ASAP1: variants seen among roughly 807,000 people sequenced by gnomAD.
The protein encoded by ASAP1 is arf-GAP with SH3 domain, ANK repeat and PH domain-containing protein 1.
A neutral mutation model predicts 145.2 loss-of-function variants in ASAP1; 43 were observed. The observed-to-expected ratio is 0.30, with a 90% CI of 0.23 to 0.38. The LOEUF is 0.38. Ranked by LOEUF, ASAP1 falls within the 10% of genes least tolerant of loss-of-function variation. ASAP1 has a pLI of 1.00. For missense variants in ASAP1, 1,018 were observed against 1,355.3 expected (o/e 0.75, Z 3.91); for synonymous variants, 546 against 515.5 (o/e 1.06, Z -0.80).
chr8:130,423,295 T>G (rs1829792562), intron 1 of ASAP1, among the ~76,000 whole-genome samples: 1 of 152,176 alleles, frequency 6.6e-6, no homozygotes, highest in Admixed American at 6.5e-5. Flanking sequence ...ACATTTATCT[T>G]TAGTCCATCA....
intron 3 of ASAP1, among the ~76,000 whole-genome samples, chr8:130,333,599 C>T (rs571608869): frequency 5.9e-5 from 9 of 152,118 alleles, no homozygotes; most frequent in South Asian, 2.1e-4. Flanking sequence ...AGTGAAACTC[C>T]GTCTCAAAAA....
chr8:130,264,014 T>G (rs757796352), intron 3 of ASAP1, among the ~76,000 whole-genome samples: 1 of 152,162 alleles, frequency 6.6e-6, no homozygotes, highest in Non-Finnish European at 1.5e-5. Flanking sequence ...CTGTTAAAAC[T>G]AGTGAGGAGG....
intron 13 of ASAP1, among the ~76,000 whole-genome samples, chr8:130,147,673 C>T (rs1257005129): frequency 6.6e-6 from 1 of 152,194 alleles, no homozygotes; most frequent in Non-Finnish European, 1.5e-5. Flanking sequence ...TAATAAAAGG[C>T]ACATACAATA....
chr8:130,109,270 G>A (rs1032370969), intron 24 of ASAP1, among the ~76,000 whole-genome samples: 3 of 152,138 alleles, frequency 2.0e-5, no homozygotes, highest in African/African-American at 7.2e-5. Context: ...TTGGGATTCT[G>A]AGCTACTGAG....
At chr8:130,153,359 G>GTATATATATATATATATATGTA (rs2097651370) in intron 12 of ASAP1, among the ~76,000 whole-genome samples, 19 of 28,932 alleles carry the variant, frequency 6.6e-4, no homozygotes, top group African/African-American at 2.0e-3. Flanking sequence ...ATATATATAT[G>GTATATATATATATATATATGTA]TATATATATA....
At chr8:130,345,978 T>C (rs1286013767) in intron 3 of ASAP1, among the ~76,000 whole-genome samples, 1 of 152,200 alleles carries the variant, frequency 6.6e-6, no homozygotes, top group East Asian at 1.9e-4. Flanking sequence ...ACTGTGGGTT[T>C]TTCCAACTGC....
At chr8:130,312,120 A>G (rs1823393372) in intron 3 of ASAP1, among the ~76,000 whole-genome samples, 1 of 152,054 alleles carries the variant, frequency 6.6e-6, no homozygotes, top group Non-Finnish European at 1.5e-5. Context: ...TCCAAAAAAA[A>G]TACAAAAATT....
At chr8:130,304,392 T>C (rs975502513) in intron 3 of ASAP1, among the ~76,000 whole-genome samples, 1 of 152,084 alleles carries the variant, frequency 6.6e-6, no homozygotes, top group South Asian at 2.1e-4. Context: ...GAACATCATT[T>C]CCCCCCTCAA....
In ASAP1 at chr8:130,187,081, T is replaced by C. The variant is rs533421602; in HGVS notation, c.530+155A>G. 9.9e-5 allele frequency among the ~76,000 whole-genome samples: 15 copies of C among 152,256 alleles called. No individual in the cohort carries two copies. In the South Asian group the frequency reaches 3.1e-3, roughly 32 times the overall value. On this transcript the variant is annotated intron_variant, in intron 7 of 29. Transcript: ENST00000518721. The stretch of plus-strand genomic sequence containing the variant: ...AGTGTACCCAACCTCTTAGCCCTAA[T>C]AAGGATATGCTAGAGGATATACTAA...
At chr8:130,276,831 C>T (rs1586737353) in intron 3 of ASAP1, among the ~76,000 whole-genome samples, 2 of 150,650 alleles carry the variant, frequency 1.3e-5, no homozygotes, top group African/African-American at 2.4e-5. Flanking sequence ...TGTGAGTCAA[C>T]AGAAATTAAG....
chr8:130,134,033 C>T (rs113905124), intron 15 of ASAP1, among the ~76,000 whole-genome samples: 1 of 152,178 alleles, frequency 6.6e-6, no homozygotes, highest in Admixed American at 6.5e-5. Context: ...GAAGAGGCCG[C>T]GGGCAAGGAG....
At chr8:130,084,893 T>C (rs1220470260) in intron 25 of ASAP1, 2 of 152,200 alleles carry the variant, frequency 1.3e-5, no homozygotes, top group Non-Finnish European at 2.9e-5. Flanking sequence ...AGGCCTGAAA[T>C]ATAAGCAGTA....
chr8:130,428,153 G>A (rs1044034227), intron 1 of ASAP1, among the ~76,000 whole-genome samples: 1 of 152,060 alleles, frequency 6.6e-6, no homozygotes, highest in Non-Finnish European at 1.5e-5. Flanking sequence ...TGAATCAAAC[G>A]TCACTTCACC....
At chr8:130,080,028 A>G (rs1736689149) in intron 25 of ASAP1, 57 bp from the exon 26 acceptor site, 2 of 1,494,802 alleles carry the variant, frequency 1.3e-6, no homozygotes, top group Non-Finnish European at 9.3e-7. Flanking sequence ...ATGCAATGAG[A>G]ATACATGGGT....
chr8:130,138,317 T>C (rs1044115350), intron 13 of ASAP1, among the ~76,000 whole-genome samples: 7 of 152,182 alleles, frequency 4.6e-5, no homozygotes, highest in African/African-American at 1.7e-4. Context: ...CTTTGTCCCA[T>C]ATCTATCTAT....
In ASAP1 at chr8:130,116,901, T is replaced by C. The variant is rs759652406; in HGVS notation, c.1975A>G (p.Ser659Gly). The change falls in exon 21 of 30, where the codon AGC becomes GGC. Residue 659 changes from serine (S) to glycine (G), a missense_variant. Physicochemically the swap from Ser to Gly is moderately conservative, Grantham distance 56. Transcript: ENST00000518721. ...KPECLKLLLR[S>G]KPTVDIVNQA... ...TTACCTATATCCACAGTGGGCTTGC[T>C]CCTGAGCAAAAGCTTCAAACACTCA... 3 of 1,613,992 alleles carry C rather than the reference T, an allele frequency of 1.9e-6. No individual in the cohort carries two copies. In the Admixed American group the frequency reaches 5.0e-5, roughly 27 times the overall value.
At chr8:130,337,132 A>T (rs982891745) in intron 3 of ASAP1, among the ~76,000 whole-genome samples, 1 of 152,226 alleles carries the variant, frequency 6.6e-6, no homozygotes, top group Non-Finnish European at 1.5e-5. Flanking sequence ...GGGCATCAAC[A>T]GCAAGAAAAT....
At chr8:130,079,606 T>G (rs1186862691) in intron 26 of ASAP1, among the ~76,000 whole-genome samples, 6 of 152,134 alleles carry the variant, frequency 3.9e-5, no homozygotes, top group Non-Finnish European at 5.9e-5. Context: ...CTGACAGGAA[T>G]TTTGTTCAAG....
At chr8:130,073,064 C>T (rs1246806658) in intron 27 of ASAP1, among the ~76,000 whole-genome samples, 1 of 149,056 alleles carries the variant, frequency 6.7e-6, no homozygotes, top group Non-Finnish European at 1.5e-5. Context: ...CATCAAGTGG[C>T]GATGTGAAAT....
Sources: allele counts gnomAD v4.1 joint callset (sites outside exome capture counted in the v4.1 genomes callset), GRCh38; gene constraint gnomAD v4.1.1; transcripts MANE v1.5; gene names NCBI Gene and HGNC (gene_info 2026-07-23, HGNC 2026-07-21).